Variants in PVALB observed in about 807,000 individuals in gnomAD.
PVALB encodes parvalbumin alpha.
Under a neutral mutation model 10.9 loss-of-function variants are expected in PVALB, and 11 were observed. The observed-to-expected ratio is 1.01, with a 90% CI of 0.63 to 1.67. The LOEUF (loss-of-function observed/expected upper bound fraction) is 1.67, where lower values mean the gene tolerates loss of function less well. Ranked by LOEUF, PVALB falls within the 40% of genes most tolerant of loss-of-function variation. PVALB has a pLI of 0.00. For missense variants in PVALB, 131 were observed against 136.2 expected (o/e 0.96, Z 0.19); for synonymous variants, 57 against 50.7 (o/e 1.12, Z -0.53).
chr22:36,812,227 C>CAAGGGGCAGAG (rs1489884378), intron 3 of PVALB, among the ~76,000 whole-genome samples: 1 of 152,138 alleles, frequency 6.6e-6, no homozygotes, highest in East Asian at 1.9e-4. Flanking sequence ...TCACAGCTGG[C>CAAGGGGCAGAG]AAGGGGCAGA....
chr22:36,802,972 G>T (rs141160888), intron 3 of PVALB, among the ~76,000 whole-genome samples: 17 of 152,324 alleles, frequency 1.1e-4, no homozygotes, highest in African/African-American at 4.1e-4. Flanking sequence ...TGATCTTCCA[G>T]GACCTCGGTG....
At chr22:36,805,546 C>T (rs1938936291) in intron 3 of PVALB, among the ~76,000 whole-genome samples, 1 of 152,216 alleles carries the variant, frequency 6.6e-6, no homozygotes, top group South Asian at 2.1e-4. Context: ...CCTGCCTCCG[C>T]CCTGGCACCT....
At chr22:36,801,841 T>C (rs1938870528) in intron 3 of PVALB, among the ~76,000 whole-genome samples, 1 of 151,988 alleles carries the variant, frequency 6.6e-6, no homozygotes, top group East Asian at 1.9e-4. Context: ...AAATGGAGTG[T>C]TGTGATGTGG....
intron 1 of PVALB, 159 bp from the exon 2 acceptor site, chr22:36,815,394 A>C (rs1939123229): frequency 9.3e-6 from 9 of 966,806 alleles, no homozygotes; most frequent in Non-Finnish European, 1.4e-5. Context: ...GAGCCCGGGC[A>C]AGGGAGGATA....
rs148059306 is a variant in PVALB, at chr22:36,806,609, C to T, written c.305-5691G>A. ...TATCACCTCACCTCTAAATAGCTCCCGGGCTCGGTTTCTTATAAATTGGTA... is the reference window on the plus strand; with the variant it reads ...TATCACCTCACCTCTAAATAGCTCCTGGGCTCGGTTTCTTATAAATTGGTA... On this transcript the variant is annotated intron_variant, in intron 3 of 3. Transcript: ENST00000417718. Among the ~76,000 whole-genome samples the T allele has an allele frequency of 4.4e-4, 67 of 152,138 alleles. No individual in the cohort carries two copies. The East Asian group carries it at 0.012, about 28-fold the overall frequency.
intron 3 of PVALB, among the ~76,000 whole-genome samples, chr22:36,802,827 C>T (rs1391756495): frequency 6.6e-6 from 1 of 151,918 alleles, no homozygotes; most frequent in Non-Finnish European, 1.5e-5. Flanking sequence ...TTTGAAATCT[C>T]CAGGCTCTCT....
At chr22:36,806,867 G>C (rs1484879945) in intron 3 of PVALB, among the ~76,000 whole-genome samples, 1 of 152,186 alleles carries the variant, frequency 6.6e-6, no homozygotes, top group African/African-American at 2.4e-5. Context: ...ATTCTAACAG[G>C]CGTGGCTGGG....
At chr22:36,801,418 A>C (rs1938862674) in intron 3 of PVALB, among the ~76,000 whole-genome samples, 1 of 152,194 alleles carries the variant, frequency 6.6e-6, no homozygotes. Context: ...GTTTGCTGCC[A>C]CGTGCCACTA....
At chr22:36,819,204 C>T (rs1004690789), upstream of PVALB, among the ~76,000 whole-genome samples, 3 of 151,954 alleles carry the variant, frequency 2.0e-5, no homozygotes, top group East Asian at 1.9e-4. Context: ...GGCCCAGCCA[C>T]GGGGGGCGGT....
intron 3 of PVALB, among the ~76,000 whole-genome samples, chr22:36,811,838 C>A (rs967218687): frequency 6.6e-6 from 1 of 152,056 alleles, no homozygotes; most frequent in Admixed American, 6.5e-5. Context: ...GCCCCAGGAG[C>A]GGCCAAGCCA....
At chr22:36,808,524 G>C (rs1938998034) in intron 3 of PVALB, among the ~76,000 whole-genome samples, 1 of 152,102 alleles carries the variant, frequency 6.6e-6, no homozygotes, top group African/African-American at 2.4e-5. Context: ...GGATAGTGAC[G>C]GCATCTACTT....
rs547461204 is a variant in PVALB at position 36,801,008 on chromosome 22, C to T, written c.305-90G>A. On this transcript the variant is annotated intron_variant, in intron 3 of 3. Coordinates refer to ENST00000417718, the MANE Select transcript of PVALB (RefSeq NM_001315532.2). ...TGACTGCGGGGCCCTGGGTGGTGCT[C>T]TCTCTGGGTTCTTGCTTCTGCTGCA... 668 of 1,305,840 alleles carry T rather than the reference C, an allele frequency of 5.1e-4. 2 individuals are homozygous for T. The highest frequency in any genetic ancestry group is 1.2e-4 in the Non-Finnish European group (105 of 906,712). The allele number at this position is 1,305,840 out of a possible 1,614,324, so 80.9% of individuals were successfully genotyped here.
chr22:36,805,829 C>G (rs1938940321), intron 3 of PVALB, among the ~76,000 whole-genome samples: 1 of 152,042 alleles, frequency 6.6e-6, no homozygotes, highest in African/African-American at 2.4e-5. Flanking sequence ...ATAACATTAA[C>G]TACGAAAGTC....
At chr22:36,817,500 C>G (rs1939164725), upstream of PVALB, 1 of 153,024 alleles carries the variant, frequency 6.5e-6, no homozygotes, top group Admixed American at 6.5e-5. Flanking sequence ...TCTCTCTCCA[C>G]TCCTACCTCA....
chr22:36,806,868 C>T (rs978392135), intron 3 of PVALB, among the ~76,000 whole-genome samples: 3 of 152,054 alleles, frequency 2.0e-5, no homozygotes, highest in Non-Finnish European at 4.4e-5. Context: ...TTCTAACAGG[C>T]GTGGCTGGGG....
intron 2 of PVALB, among the ~76,000 whole-genome samples, chr22:36,814,345 G>A (rs1028213237): frequency 2.6e-5 from 4 of 151,762 alleles, no homozygotes; most frequent in African/African-American, 4.8e-5. Context: ...TGGGTAGAAC[G>A]TGAAGATTCT....
intron 1 of PVALB, among the ~76,000 whole-genome samples, chr22:36,815,889 A>G (rs764013856): frequency 4.0e-4 from 60 of 151,676 alleles, no homozygotes; most frequent in Non-Finnish European, 6.0e-4. Flanking sequence ...TTATCCCAGG[A>G]CCCTGGGAGG....
chr22:36,818,758 G>T (rs186621081), upstream of PVALB: 2 of 152,350 alleles, frequency 1.3e-5, no homozygotes, highest in Admixed American at 1.3e-4. Flanking sequence ...CACAGAGTCC[G>T]TGAATGGTCT....
intron 3 of PVALB, 77 bp from the exon 4 acceptor site, chr22:36,800,995 C>G: frequency 2.1e-6 from 3 of 1,448,380 alleles, no homozygotes; most frequent in Non-Finnish European, 2.9e-6. Flanking sequence ...ACTGCGGGGC[C>G]CTGGGTGGTG....
Sources: gnomAD v4.1 joint callset for allele counts (sites outside exome capture counted in the v4.1 genomes callset) on GRCh38, gnomAD v4.1.1 for gene constraint, MANE v1.5 for transcripts, NCBI Gene and HGNC (gene_info 2026-07-23, HGNC 2026-07-21) for gene names.